ADAM11: variants seen among roughly 807,000 people sequenced by gnomAD.
ADAM11 encodes the protein disintegrin and metalloproteinase domain-containing protein 11.
A neutral mutation model predicts 119.1 loss-of-function variants in ADAM11; 49 were observed. The ratio of observed to expected loss-of-function variants is 0.41; its 90% CI spans 0.33 to 0.52. The LOEUF is 0.52. Among genes scored for constraint, ADAM11 ranks in the 20% least tolerant of loss-of-function variants. The pLI, the probability that ADAM11 is intolerant of heterozygous loss-of-function variation, is 0.20. For synonymous variants in ADAM11, 364 were observed against 408.0 expected (o/e 0.89, Z 1.30); for missense variants, 777 against 1,047.5 (o/e 0.74, Z 3.56).
In ADAM11 at chr17:44,777,906, GGGGACAGGCCCCTGCT is replaced by G; in HGVS notation, c.2070+44_2071-30del. The G allele has an allele frequency of 6.2e-7, 1 of 1,613,736 alleles. No individual in the cohort carries two copies. The highest frequency in any genetic ancestry group is 8.5e-7 in the Non-Finnish European group (1 of 1,179,964). On this transcript the variant is annotated intron_variant, in intron 23 of 26. Coordinates refer to ENST00000200557, the MANE Select transcript of ADAM11 (RefSeq NM_002390.6). This position sits in a 1 kb window ranked among gnomAD's most constrained non-coding sequence, Gnocchi z 5.1. ...GGGATGGCGGGAGAAGCTTACAAGA[GGGGACAGGCCCCTGCT>G]CACCTCTCCTGGCCCTGCCCTGCCT...
chr17:44,770,112 T>C (rs2049501720), intron 4 of ADAM11, 64 bp downstream of exon 4: 2 of 1,576,436 alleles, frequency 1.3e-6, no homozygotes, highest in Non-Finnish European at 8.7e-7. Flanking sequence ...TGTGGTTCTG[T>C]GGTCACAGGT....
At position 44,772,116 on chromosome 17, in the gene ADAM11, G is replaced by A; in HGVS notation, c.544-151G>A. The A allele has an allele frequency of 1.2e-6, 1 of 835,352 alleles. No individual in the cohort carries two copies. Among genetic ancestry groups the A allele is most frequent in the Non-Finnish European group, 1.9e-6 (1 of 534,644 alleles). The allele number at this position is 835,352 out of a possible 1,614,324, so 51.7% of individuals were successfully genotyped here. Reference sequence around the variant, plus strand: ...CCCAGGTCTTGACCCCGGAATCTGAGCATCTGGGAGATCAGATCCGACATG... The same window carrying A: ...CCCAGGTCTTGACCCCGGAATCTGAACATCTGGGAGATCAGATCCGACATG... On this transcript the variant is annotated intron_variant, in intron 6 of 26. Transcript: ENST00000200557. The surrounding 1 kb of genome is among the most constrained non-coding windows in gnomAD (Gnocchi z 4.5).
At chr17:44,768,797 C>T (rs1051163727) in intron 2 of ADAM11, among the ~76,000 whole-genome samples, 5 of 152,236 alleles carry the variant, frequency 3.3e-5, no homozygotes, top group African/African-American at 1.2e-4. Flanking sequence ...GAACAAAAGC[C>T]TCCCATTTGC....
intron 2 of ADAM11, among the ~76,000 whole-genome samples, 160 bp downstream of exon 2, chr17:44,760,057 G>A (rs1320696381): frequency 2.0e-5 from 3 of 152,114 alleles, no homozygotes; most frequent in Non-Finnish European, 2.9e-5. Flanking sequence ...CACTGGTGGG[G>A]AGCACCAGGC....
intron 4 of ADAM11, 144 bp downstream of exon 4, chr17:44,770,192 C>G (rs979680845): frequency 1.2e-5 from 12 of 1,021,258 alleles, no homozygotes; most frequent in Non-Finnish European, 1.7e-5. Context: ...CTCTCCCGAC[C>G]CAGGAGGCTC....
intron 14 of ADAM11, 26 bp downstream of exon 14, chr17:44,774,775 G>A (rs976977322): frequency 1.3e-6 from 2 of 1,588,450 alleles, no homozygotes; most frequent in African/African-American, 2.7e-5. Flanking sequence ...CAAACCGGGG[G>A]AAGGTCTTGG....
chr17:44,769,867 G>A, intron 3 of ADAM11, 73 bp downstream of exon 3: 4 of 1,601,742 alleles, frequency 2.5e-6, no homozygotes, highest in Non-Finnish European at 3.4e-6. Context: ...CCTGGCTGCT[G>A]GGGGTCTGGG....
rs1331886036 is a variant in ADAM11 at position 44,773,036 on chromosome 17, T to C, written c.776T>C (p.Val259Ala). 1 of 1,614,012 alleles carries C rather than the reference T, an allele frequency of 6.2e-7. No homozygotes were observed. The highest frequency in any genetic ancestry group is 1.3e-5 in the African/African-American group (1 of 74,980). The change falls in exon 10 of 27, where the codon GTG (valine) becomes GCG (alanine). Residue 259 changes from valine (V) to alanine (A), a missense_variant. Coordinates refer to ENST00000200557, the MANE Select transcript of ADAM11 (RefSeq NM_002390.6). This position sits in a 1 kb window ranked among gnomAD's most constrained non-coding sequence, Gnocchi z 4.6. ...HQLFEQMRQS[V>A]VLTSNFAKSV... ...CAGTTCGAGCAGATGCGACAGTCGG[T>C]GGTCCTCACCAGCAACTTTGCCAAG... is the stretch of plus-strand genomic sequence containing the variant.
Position 44,778,148 on chromosome 17 carries a change from C to A in ADAM11, c.2186-4C>A. 1.2e-6 allele frequency: 2 copies of A among 1,613,538 alleles called. No individual in the cohort carries two copies. Among genetic ancestry groups the A allele is most frequent in the Non-Finnish European group, 1.7e-6 (2 of 1,179,702 alleles). On this transcript the variant is annotated splice_polypyrimidine_tract_variant and splice_region_variant and intron_variant, in intron 24 of 26. Coordinates refer to ENST00000200557, the MANE Select transcript of ADAM11 (RefSeq NM_002390.6). ...TGCCAGCTAAGCCCTGCCATCCTCC[C>A]CAGGTCCCAGCGGCACCAACATCAT...
chr17:44,759,828 G>A lies in ADAM11; in HGVS notation c.168G>A (p.Glu56=), dbSNP rs745617724. ...CGGAACCCAGCCGTCTGGTTAGGGA[G>A]AGCTCCGGGGGAGAGGTCCGAAAGC... ...EVTEPSRLVR[E]SSGGEVRKQQ... The change falls in exon 2 of 27, where the codon GAG becomes GAA. Residue 56 remains glutamate, a synonymous_variant. Coordinates refer to ENST00000200557, the MANE Select transcript of ADAM11 (RefSeq NM_002390.6). 7.6e-7 allele frequency: 1 copy of A among 1,316,434 alleles called. No individual in the cohort carries two copies. The highest frequency in any genetic ancestry group is 3.1e-5 in the South Asian group (1 of 32,730). The allele number at this position is 1,316,434 out of a possible 1,614,324, so 81.5% of individuals were successfully genotyped here. A position where few individuals can be genotyped will look rare whatever the true frequency, so the allele number is the denominator to read the frequency against.
At chr17:44,768,341 G>T (rs1389854794) in intron 2 of ADAM11, among the ~76,000 whole-genome samples, 1 of 152,166 alleles carries the variant, frequency 6.6e-6, no homozygotes, top group African/African-American at 2.4e-5. Flanking sequence ...GGGTGAGTCG[G>T]TGTCCTTGGG....
At chr17:44,770,698 G>A (rs947957262) in intron 4 of ADAM11, among the ~76,000 whole-genome samples, 1 of 152,154 alleles carries the variant, frequency 6.6e-6, no homozygotes, top group African/African-American at 2.4e-5. Flanking sequence ...TGATGTTAGG[G>A]GCGAGTACAT....
chr17:44,759,715 T>TC lies in ADAM11; in HGVS notation c.62-3dup. On this transcript the variant is annotated splice_region_variant and splice_polypyrimidine_tract_variant and intron_variant, in intron 1 of 26. Transcript: ENST00000200557. ...AGCTGCCTGCAGCCATGGCCTTGTT[T>TC]CCCCAGGTCTTGGGACCCAAGGTCC... 7.6e-7 allele frequency: 1 copy of TC among 1,318,770 alleles called. No homozygotes were observed. The highest frequency in any genetic ancestry group is 9.7e-7 in the Non-Finnish European group (1 of 1,025,850). 81.7% of individuals were successfully genotyped at this position (1,318,770 alleles called of 1,614,324 possible). A position where few individuals can be genotyped will look rare whatever the true frequency, so the allele number is the denominator to read the frequency against.
At position 44,779,486 on chromosome 17, in the gene ADAM11, C is replaced by A. The variant is rs1370418459; in HGVS notation, c.2294+247C>A. 5.1e-6 allele frequency: 5 copies of A among 985,302 alleles called. No homozygotes were observed. In the African/African-American group the frequency reaches 8.7e-5, roughly 17 times the overall value. The allele number at this position is 985,302 out of a possible 1,614,324, so 61.0% of individuals were successfully genotyped here. A position where few individuals can be genotyped will look rare whatever the true frequency, so the allele number is the denominator to read the frequency against. ...TCTCGACTGCCCTGCTGCGGCCAGG[C>A]CCTCCCCTGCCACCAGGTGGAACTG... On this transcript the variant is annotated intron_variant, in intron 26 of 26. Coordinates refer to ENST00000200557, the MANE Select transcript of ADAM11 (RefSeq NM_002390.6).
chr17:44,774,118 A>C (rs904671104), intron 11 of ADAM11, among the ~76,000 whole-genome samples, 177 bp from the exon 12 acceptor site: 2 of 152,150 alleles, frequency 1.3e-5, no homozygotes, highest in African/African-American at 4.8e-5. Flanking sequence ...AGAAAGAAAA[A>C]AAAGAACCCA....
chr17:44,772,986 GC>G lies in ADAM11; in HGVS notation c.754-25del. 6.2e-7 allele frequency: 1 copy of G among 1,613,886 alleles called. No homozygotes were observed. The highest frequency in any genetic ancestry group is 8.5e-7 in the Non-Finnish European group (1 of 1,179,886). ...CACTGGGAGGCCCCTGAGGAGCCTG[GC>G]CCTCCTCCCATTCTTCTCTCTCCCA... On this transcript the variant is annotated intron_variant, in intron 9 of 26. Transcript: ENST00000200557. The surrounding 1 kb of genome is among the most constrained non-coding windows in gnomAD (Gnocchi z 4.5).
At chr17:44,769,642 T>G in intron 2 of ADAM11, 76 bp from the exon 3 acceptor site, 5 of 926,722 alleles carry the variant, frequency 5.4e-6, no homozygotes, top group South Asian at 1.4e-5. Context: ...AGGGCTACTG[T>G]TGCTCCCGGG....
In ADAM11 at chr17:44,777,470, A is replaced by G; in HGVS notation, c.1782-12A>G. 1 of 1,613,360 alleles carries G rather than the reference A, an allele frequency of 6.2e-7. No homozygotes were observed. Among genetic ancestry groups the G allele is most frequent in the Middle Eastern group, 1.7e-4 (1 of 6,058 alleles). ...CAAACTTGGGGCTCACTGTCTCTAT[A>G]TGCCCCAACAGGGACGTGCTGTGTG... On this transcript the variant is annotated splice_polypyrimidine_tract_variant and intron_variant, in intron 21 of 26. Coordinates refer to ENST00000200557, the MANE Select transcript of ADAM11 (RefSeq NM_002390.6). This position sits in a 1 kb window ranked among gnomAD's most constrained non-coding sequence, Gnocchi z 5.1.
rs201366738 is a variant in ADAM11 at position 44,771,557 on chromosome 17, G to A, written c.382-27G>A. The A allele has an allele frequency of 5.7e-4, 918 of 1,607,592 alleles. 13 individuals are homozygous for A. In the East Asian group the frequency reaches 0.013, roughly 23 times the overall value. On this transcript the variant is annotated intron_variant, in intron 4 of 26. Transcript: ENST00000200557. ...TGGCTGCCCCCGGCCTCATGCCAGC[G>A]TTCTGCTCACTGTTCTGCTCCTTCA... is the stretch of plus-strand genomic sequence containing the variant.
Sources: gnomAD v4.1 joint callset for allele counts (sites outside exome capture counted in the v4.1 genomes callset) on GRCh38, gnomAD v4.1.1 for gene constraint, Gnocchi (gnomAD v3.1) non-coding constraint, MANE v1.5 for transcripts, NCBI Gene and HGNC (gene_info 2026-07-23, HGNC 2026-07-21) for gene names.